Variants in COL4A6 observed in about 807,000 individuals in gnomAD.
COL4A6 encodes collagen type IV alpha 6 chain.
Under a neutral mutation model 126.7 loss-of-function variants are expected in COL4A6, and 59 were observed. That is an observed-to-expected ratio of 0.47 (90% CI 0.38 to 0.58). The LOEUF is 0.58. Ranked by LOEUF, COL4A6 falls within the 20% of genes least tolerant of loss-of-function variation. The pLI is 0.00. For missense variants in COL4A6, 1,285 were observed against 1,337.3 expected (o/e 0.96, Z 0.61); for synonymous variants, 547 against 496.6 (o/e 1.10, Z -1.35).
chrX:108,202,554 T>C (rs954710483), intron 13 of COL4A6, among the ~76,000 whole-genome samples: 1 of 111,906 alleles, frequency 8.9e-6, no homozygotes, highest in African/African-American at 3.2e-5. Flanking sequence ...ATGCATATTA[T>C]CTCATTTAAT....
intron 3 of COL4A6, among the ~76,000 whole-genome samples, chrX:108,236,875 C>A (rs2148307106): frequency 8.9e-6 from 1 of 111,771 alleles, no homozygotes; most frequent in African/African-American, 3.3e-5. Context: ...CCTTCTGAAA[C>A]CCCCTCCTTG....
At chrX:108,223,123 C>T (rs1172993044) in intron 3 of COL4A6, among the ~76,000 whole-genome samples, 2 of 111,422 alleles carry the variant, frequency 1.8e-5, no homozygotes, top group Non-Finnish European at 3.8e-5. Flanking sequence ...AGAAAACTAA[C>T]ACAGGAACAG....
At chrX:108,248,360 A>T (rs754547711) in intron 3 of COL4A6, among the ~76,000 whole-genome samples, 1 of 111,082 alleles carries the variant, frequency 9.0e-6, no homozygotes, top group Non-Finnish European at 1.9e-5. Context: ...GTCTGAAGCT[A>T]TTTTTTCTAC....
intron 5 of COL4A6, among the ~76,000 whole-genome samples, chrX:108,219,216 T>G (rs1273484187): frequency 8.9e-6 from 1 of 112,614 alleles, no homozygotes; most frequent in Admixed American, 9.4e-5. Flanking sequence ...GTAGTCACTT[T>G]GTAAAAACTT....
rs72146466 is a variant in COL4A6, at chrX:108,356,904, G to GA, written c.64-46077dup. 7.4e-3 allele frequency among the ~76,000 whole-genome samples: 747 copies of GA among 101,584 alleles called. 4 individuals are homozygous for GA. The highest frequency in any genetic ancestry group is 0.016 in the Admixed American group (148 of 9,444). 88.2% of individuals were successfully genotyped at this position (101,584 alleles called of 115,157 possible). A position where few individuals can be genotyped will look rare whatever the true frequency, so the allele number is the denominator to read the frequency against. ...AGAGCAGAAGAAGCACATTTCATCT[G>GA]AAAAAAAAAAGCTAAAAATGCCGGC... is the stretch of plus-strand genomic sequence containing the variant. On this transcript the variant is annotated intron_variant, in intron 2 of 44. Transcript: ENST00000334504.
intron 2 of COL4A6, among the ~76,000 whole-genome samples, chrX:108,393,992 A>T (rs1337581346): frequency 1.8e-5 from 2 of 112,090 alleles, no homozygotes; most frequent in Non-Finnish European, 3.8e-5. Flanking sequence ...TTATGGCGGC[A>T]CTGTTCACAA....
chrX:108,268,249 G>T (rs1381900384), intron 3 of COL4A6: 1 of 112,146 alleles, frequency 8.9e-6, no homozygotes, highest in Non-Finnish European at 1.9e-5. Context: ...ATCAATAGAT[G>T]CCATAGTCTG....
chrX:108,343,827 T>TGAAGAAAG (rs2039646570), intron 2 of COL4A6, among the ~76,000 whole-genome samples: 1 of 90,746 alleles, frequency 1.1e-5, no homozygotes. Flanking sequence ...AAAAAGGCAG[T>TGAAGAAAG]GAAGAAAGGA....
Position 108,169,639 on chromosome X carries a change from G to T in COL4A6, c.3566-19C>A, listed in dbSNP as rs1190858699. 8.3e-7 allele frequency: 1 copy of T among 1,199,506 alleles called. No individual in the cohort carries two copies. Among genetic ancestry groups the T allele is most frequent in the East Asian group, 3.0e-5 (1 of 33,502 alleles). On this transcript the variant is annotated intron_variant, in intron 36 of 44. Transcript: ENST00000334504. ...CTAGGTCCTAGGAGGAGATGCAGGG[G>T]TAGGGGGCAGACCTCAGTGGAGGTG...
At chrX:108,237,800 T>C (rs1165587709) in intron 3 of COL4A6, among the ~76,000 whole-genome samples, 3 of 110,658 alleles carry the variant, frequency 2.7e-5, no homozygotes, top group African/African-American at 9.8e-5. Flanking sequence ...TTGATATGAG[T>C]CCAGGATATC....
At chrX:108,352,754 T>G (rs1037201544) in intron 2 of COL4A6, among the ~76,000 whole-genome samples, 12 of 112,157 alleles carry the variant, frequency 1.1e-4, no homozygotes, top group Non-Finnish European at 2.1e-4. Context: ...ATTACACTTA[T>G]GGTAGGTGCT....
At position 108,175,099 on chromosome X, in the gene COL4A6, C is replaced by G; in HGVS notation, c.2947G>C (p.Gly983Arg). The G allele has an allele frequency of 8.4e-7, 1 of 1,193,914 alleles. No homozygotes were observed. The highest frequency in any genetic ancestry group is 1.9e-5 in the South Asian group (1 of 53,471). Residue 983 changes from glycine (G) to arginine (R), a missense_variant, in exon 30 of 45, where the codon GGG becomes CGG. By Grantham distance (125) the Gly-to-Arg change is moderately radical. Transcript: ENST00000334504. ...TCCCCTGCCCCAGCACCTCTTGGCC[C>G]AGGAAATCCATTGGATCCGGCTGAG... is the stretch of plus-strand genomic sequence containing the variant. ...QGSAGSNGFPGPRGDKGEAGR... is the reference protein window; with the variant it reads ...QGSAGSNGFPRPRGDKGEAGR...
chrX:108,428,405 T>C (rs958161842), intron 2 of COL4A6, among the ~76,000 whole-genome samples: 3 of 111,619 alleles, frequency 2.7e-5, no homozygotes, highest in Non-Finnish European at 5.6e-5. Context: ...CTGAGGATAC[T>C]GGGGGGAAAA....
chrX:108,199,961 T>C (rs1392147438), intron 13 of COL4A6, among the ~76,000 whole-genome samples: 1 of 112,087 alleles, frequency 8.9e-6, no homozygotes, highest in African/African-American at 3.2e-5. Context: ...TGCGTGATTC[T>C]GGACAAACCT....
intron 2 of COL4A6, among the ~76,000 whole-genome samples, chrX:108,334,078 C>T (rs948133825): frequency 8.9e-6 from 1 of 111,796 alleles, no homozygotes; most frequent in African/African-American, 3.2e-5. Flanking sequence ...ATAAAAGGGC[C>T]TGAATAGCCA....
intron 3 of COL4A6, among the ~76,000 whole-genome samples, chrX:108,284,039 T>C (rs1337335671): frequency 9.0e-6 from 1 of 111,556 alleles, no homozygotes; most frequent in African/African-American, 3.3e-5. Context: ...ATTCAGTAGG[T>C]TTAGTGTTAT....
chrX:108,334,284 G>C, intron 2 of COL4A6, among the ~76,000 whole-genome samples: 1 of 111,351 alleles, frequency 9.0e-6, no homozygotes, highest in Non-Finnish European at 1.9e-5. Context: ...CATCACAGTG[G>C]TTATAAACTA....
intron 2 of COL4A6, among the ~76,000 whole-genome samples, chrX:108,361,345 G>T (rs1440075839): frequency 9.0e-6 from 1 of 111,587 alleles, no homozygotes; most frequent in Non-Finnish European, 1.9e-5. Context: ...GAAATAAAAG[G>T]ATAGGGAGGG....
At chrX:108,416,092 G>T (rs1457401209) in intron 2 of COL4A6, among the ~76,000 whole-genome samples, 1 of 111,574 alleles carries the variant, frequency 9.0e-6, no homozygotes, top group East Asian at 2.8e-4. Flanking sequence ...ATTCATCCTC[G>T]CTGCTTCTTC....
Sources: gnomAD v4.1 joint callset for allele counts (sites outside exome capture counted in the v4.1 genomes callset) on GRCh38, gnomAD v4.1.1 for gene constraint, MANE v1.5 for transcripts, NCBI Gene and HGNC (gene_info 2026-07-23, HGNC 2026-07-21) for gene names.